Variants in ZNF804B observed in about 807,000 individuals in gnomAD.
ZNF804B encodes the protein zinc finger protein 804B.
Under a neutral mutation model 101.4 loss-of-function variants are expected in ZNF804B, and 80 were observed. That is an observed-to-expected ratio of 0.79 (90% confidence interval 0.66 to 0.95). The LOEUF (loss-of-function observed/expected upper bound fraction) is 0.95. ZNF804B is among the 40% of genes least tolerant of loss of function. The pLI, the probability that ZNF804B is intolerant of heterozygous loss-of-function variation, is 0.00. For missense variants in ZNF804B, 1,673 were observed against 1,561.9 expected (o/e 1.07, Z -1.20); for synonymous variants, 622 against 558.8 (o/e 1.11, Z -1.59).
chr7:89,122,592 A>G (rs551789204), intron 1 of ZNF804B, among the ~76,000 whole-genome samples: 1 of 152,150 alleles, frequency 6.6e-6, no homozygotes, highest in South Asian at 2.1e-4. Flanking sequence ...CTGTTGCTCC[A>G]GTGACCCATT....
chr7:89,214,337 G>C (rs1584059045), intron 1 of ZNF804B, among the ~76,000 whole-genome samples: 1 of 152,088 alleles, frequency 6.6e-6, no homozygotes, highest in East Asian at 1.9e-4. Context: ...TAGGCAAACT[G>C]TAAGAAGGGA....
chr7:88,890,635 G>A (rs992240695), intron 1 of ZNF804B, among the ~76,000 whole-genome samples: 12 of 152,128 alleles, frequency 7.9e-5, no homozygotes, highest in Middle Eastern at 3.4e-3. Flanking sequence ...TTGTTTAGTT[G>A]CTTTTTTTCC....
chr7:88,770,572 TAATTC>T (rs1372834206), intron 1 of ZNF804B, among the ~76,000 whole-genome samples: 2 of 152,334 alleles, frequency 1.3e-5, no homozygotes, highest in East Asian at 3.9e-4. Flanking sequence ...GTAAGACTGT[TAATTC>T]AACCTCACTC....
At chr7:89,006,219 A>C (rs1045603209) in intron 1 of ZNF804B, among the ~76,000 whole-genome samples, 1 of 151,996 alleles carries the variant, frequency 6.6e-6, no homozygotes, top group African/African-American at 2.4e-5. Context: ...TTAATCTCTC[A>C]GATTATAATC....
At chr7:88,992,494 G>A (rs1190120118) in intron 1 of ZNF804B, among the ~76,000 whole-genome samples, 1 of 152,036 alleles carries the variant, frequency 6.6e-6, no homozygotes, top group Non-Finnish European at 1.5e-5. Context: ...GTTCAACTGG[G>A]TTTTCTACTC....
chr7:89,082,591 T>G (rs1789711606), intron 1 of ZNF804B, among the ~76,000 whole-genome samples: 1 of 151,798 alleles, frequency 6.6e-6, no homozygotes, highest in African/African-American at 2.4e-5. Flanking sequence ...TAGTAACTCT[T>G]CTTCTTTGAA....
At chr7:88,993,526 A>G (rs1562853903) in intron 1 of ZNF804B, among the ~76,000 whole-genome samples, 1 of 152,012 alleles carries the variant, frequency 6.6e-6, no homozygotes, top group Non-Finnish European at 1.5e-5. Context: ...AAGGTCAATG[A>G]CCCAAAAAGA....
At chr7:89,045,860 A>G (rs1366866922) in intron 1 of ZNF804B, among the ~76,000 whole-genome samples, 1 of 152,102 alleles carries the variant, frequency 6.6e-6, no homozygotes, top group Non-Finnish European at 1.5e-5. Context: ...ATTAGCTAAG[A>G]CATTGTGGGA....
chr7:89,235,303 G>A (rs1002357591), intron 2 of ZNF804B, among the ~76,000 whole-genome samples: 2 of 152,142 alleles, frequency 1.3e-5, no homozygotes, highest in Non-Finnish European at 2.9e-5. Flanking sequence ...AGCAGATGCA[G>A]GTGTATATTG....
intron 1 of ZNF804B, among the ~76,000 whole-genome samples, chr7:88,943,318 A>G (rs1443917324): frequency 6.6e-6 from 1 of 151,864 alleles, no homozygotes; most frequent in Non-Finnish European, 1.5e-5. Flanking sequence ...GTGGTATGTA[A>G]ACTACAGGAG....
intron 1 of ZNF804B, among the ~76,000 whole-genome samples, chr7:88,798,571 T>A (rs1414635492): frequency 6.6e-6 from 1 of 152,030 alleles, no homozygotes; most frequent in Non-Finnish European, 1.5e-5. Context: ...TTTCAAATTA[T>A]TTTTTTGCTA....
intron 1 of ZNF804B, among the ~76,000 whole-genome samples, chr7:89,086,633 C>T (rs1189677881): frequency 6.6e-6 from 1 of 151,920 alleles, no homozygotes; most frequent in African/African-American, 2.4e-5. Context: ...ACCTTGGTTT[C>T]AAATACAATT....
chr7:88,877,025 T>TATATTTTTTTTTTTTTGAAAAAAAA (rs1791955757), intron 1 of ZNF804B, among the ~76,000 whole-genome samples: 4 of 59,274 alleles, frequency 6.7e-5, no homozygotes, highest in East Asian at 1.5e-3. Context: ...TATATATATA[T>TATATTTTTTTTTTTTTGAAAAAAAA]AATATATATA....
intron 1 of ZNF804B, among the ~76,000 whole-genome samples, chr7:89,008,374 A>T (rs1404333466): frequency 6.6e-6 from 1 of 152,172 alleles, no homozygotes; most frequent in African/African-American, 2.4e-5. Flanking sequence ...TATGCTCGCC[A>T]TTTCACTGAG....
intron 2 of ZNF804B, among the ~76,000 whole-genome samples, chr7:89,270,612 G>T (rs2115837251): frequency 6.6e-6 from 1 of 152,250 alleles, no homozygotes; most frequent in East Asian, 1.9e-4. Flanking sequence ...GACAGTCATT[G>T]GTAGCTTGAT....
In ZNF804B at chr7:89,261,948, T is replaced by A. The variant is rs554091768; in HGVS notation, c.249+43653T>A. On this transcript the variant is annotated intron_variant, in intron 2 of 3. Coordinates refer to ENST00000333190, the MANE Select transcript of ZNF804B (RefSeq NM_181646.5). The stretch of plus-strand genomic sequence containing the variant: ...GCTTTTCATCAGAATCCTTCTCACT[T>A]TCTGGGTTTATTATAATGCTTGTAT... Among the ~76,000 whole-genome samples, 3 of 152,288 alleles carry A rather than the reference T, an allele frequency of 2.0e-5. No individual in the cohort carries two copies. The East Asian group carries it at 5.8e-4, about 29-fold the overall frequency.
At chr7:89,095,728 A>T (rs531525005) in intron 1 of ZNF804B, among the ~76,000 whole-genome samples, 22 of 152,256 alleles carry the variant, frequency 1.4e-4, no homozygotes, top group Non-Finnish European at 2.6e-4. Flanking sequence ...AAAATTTGGT[A>T]TAAAATATTT....
At chr7:89,010,628 A>G (rs1304086614) in intron 1 of ZNF804B, among the ~76,000 whole-genome samples, 1 of 152,146 alleles carries the variant, frequency 6.6e-6, no homozygotes, top group Non-Finnish European at 1.5e-5. Flanking sequence ...CAGAAAGGCA[A>G]ATCTTTCTGT....
At chr7:89,116,019 C>T (rs1312671740) in intron 1 of ZNF804B, among the ~76,000 whole-genome samples, 1 of 151,816 alleles carries the variant, frequency 6.6e-6, no homozygotes, top group East Asian at 1.9e-4. Context: ...ATTCTCCCAC[C>T]TCAGCCTCCT....
Sources: gnomAD v4.1 joint callset for allele counts (sites outside exome capture counted in the v4.1 genomes callset) on GRCh38, gnomAD v4.1.1 for gene constraint, MANE v1.5 for transcripts, NCBI Gene and HGNC (gene_info 2026-07-23, HGNC 2026-07-21) for gene names.